The following NELL1 variants were observed in gnomAD, a reference collection of about 807,000 sequenced individuals.
NELL1 encodes the protein protein kinase C-binding protein NELL1.
Under a neutral mutation model 107.4 loss-of-function variants are expected in NELL1, and 76 were observed. The observed-to-expected ratio is 0.71, with a 90% CI of 0.59 to 0.86. The LOEUF is 0.86. Among genes scored for constraint, NELL1 ranks in the 40% least tolerant of loss-of-function variants. NELL1 has a pLI of 0.00. For missense variants in NELL1, 1,024 were observed against 1,005.5 expected, an observed-to-expected ratio of 1.02 and a Z score of -0.25; for synonymous variants, 353 against 341.2, an observed-to-expected ratio of 1.03 and a Z score of -0.38.
intron 18 of NELL1, 59 bp from the exon 19 acceptor site, chr11:21,573,124 CTT>C: frequency 7.7e-7 from 1 of 1,290,590 alleles, no homozygotes; most frequent in Non-Finnish European, 1.1e-6. Flanking sequence ...CCTTCTATGA[CTT>C]TGGGAATAAA....
At chr11:21,165,096 G>T (rs1282394904) in intron 13 of NELL1, among the ~76,000 whole-genome samples, 1 of 152,158 alleles carries the variant, frequency 6.6e-6, no homozygotes, top group Non-Finnish European at 1.5e-5. Context: ...TTGAAAGGTT[G>T]AATCCAGAAA....
intron 14 of NELL1, among the ~76,000 whole-genome samples, chr11:21,282,940 T>G (rs1413157512): frequency 6.6e-6 from 1 of 152,086 alleles, no homozygotes; most frequent in African/African-American, 2.4e-5. Context: ...ACAAATTGTG[T>G]ATGTTCTTAC....
intron 14 of NELL1, among the ~76,000 whole-genome samples, chr11:21,287,023 A>G (rs1849137589): frequency 6.6e-6 from 1 of 152,248 alleles, no homozygotes; most frequent in Non-Finnish European, 1.5e-5. Flanking sequence ...ATAAGTGCTT[A>G]GTGTATTTTA....
intron 14 of NELL1, among the ~76,000 whole-genome samples, chr11:21,266,160 C>T (rs1848628920): frequency 1.3e-5 from 2 of 151,584 alleles, no homozygotes; most frequent in African/African-American, 4.8e-5. Flanking sequence ...AACCATTTAG[C>T]ATGAACTGGC....
intron 15 of NELL1, among the ~76,000 whole-genome samples, chr11:21,519,551 T>G (rs113200112): frequency 6.6e-6 from 1 of 151,486 alleles, no homozygotes. Context: ...TTTTGTTTTT[T>G]TTTTTAGATT....
At chr11:21,289,115 G>A (rs1171686812) in intron 14 of NELL1, among the ~76,000 whole-genome samples, 1 of 152,212 alleles carries the variant, frequency 6.6e-6, no homozygotes, top group Non-Finnish European at 1.5e-5. Flanking sequence ...ATGAGAGAAT[G>A]ACAGGGTCAC....
chr11:21,291,429 A>T (rs1293097422), intron 14 of NELL1, among the ~76,000 whole-genome samples: 1 of 151,324 alleles, frequency 6.6e-6, no homozygotes, highest in Non-Finnish European at 1.5e-5. Flanking sequence ...GATGATAATT[A>T]ATAGACTACC....
chr11:21,323,205 G>A (rs748558574), intron 14 of NELL1, among the ~76,000 whole-genome samples: 17 of 152,302 alleles, frequency 1.1e-4, no homozygotes, highest in South Asian at 4.1e-4. Context: ...TTGTGGGAAT[G>A]TAACAAATTT....
At chr11:20,991,092 A>G (rs979452927) in intron 12 of NELL1, among the ~76,000 whole-genome samples, 16 of 152,324 alleles carry the variant, frequency 1.1e-4, no homozygotes, top group Admixed American at 2.6e-4. Context: ...ATCCTAAGGA[A>G]GTATTCAGAC....
At chr11:20,869,302 G>A (rs901787495) in intron 4 of NELL1, among the ~76,000 whole-genome samples, 1 of 152,120 alleles carries the variant, frequency 6.6e-6, no homozygotes, top group Admixed American at 6.5e-5. Context: ...AAGAGACTAG[G>A]GGAATGTGCA....
At chr11:20,755,543 T>TATTTTA in intron 2 of NELL1, among the ~76,000 whole-genome samples, 1 of 39,336 alleles carries the variant, frequency 2.5e-5, no homozygotes, top group East Asian at 1.2e-3. Flanking sequence ...GGTTTTTGTT[T>TATTTTA]TTTTTTGTTT....
chr11:21,062,109 A>G (rs1404596800), intron 12 of NELL1, among the ~76,000 whole-genome samples: 1 of 152,208 alleles, frequency 6.6e-6, no homozygotes, highest in Non-Finnish European at 1.5e-5. Context: ...GTGGTTATTG[A>G]TAGCACTTGA....
At chr11:21,047,641 A>C (rs1853388443) in intron 12 of NELL1, among the ~76,000 whole-genome samples, 1 of 152,074 alleles carries the variant, frequency 6.6e-6, no homozygotes, top group Non-Finnish European at 1.5e-5. Flanking sequence ...TTTATCTTGG[A>C]GCTATCTTTC....
intron 2 of NELL1, among the ~76,000 whole-genome samples, chr11:20,761,774 T>G (rs991993098): frequency 6.6e-6 from 1 of 152,364 alleles, no homozygotes; most frequent in Admixed American, 6.5e-5. Context: ...TAAAACAAGA[T>G]GCTTATAGGT....
intron 13 of NELL1, among the ~76,000 whole-genome samples, chr11:21,142,412 T>G (rs1855889069): frequency 6.6e-6 from 1 of 152,236 alleles, no homozygotes; most frequent in East Asian, 1.9e-4. Flanking sequence ...CCTTGCTATC[T>G]GGGTCCCAAG....
chr11:21,024,259 CA>C (rs1395921333), intron 12 of NELL1, among the ~76,000 whole-genome samples: 1 of 152,094 alleles, frequency 6.6e-6, no homozygotes, highest in South Asian at 2.1e-4. Context: ...ATACCTTCTA[CA>C]TTGATTTACT....
At chr11:21,327,332 A>T (rs553979412) in intron 14 of NELL1, among the ~76,000 whole-genome samples, 1 of 150,298 alleles carries the variant, frequency 6.7e-6, no homozygotes, top group African/African-American at 2.5e-5. Context: ...GTACCCTAAA[A>T]CTTAAAGTAT....
intron 2 of NELL1, among the ~76,000 whole-genome samples, chr11:20,728,200 A>G (rs1057198297): frequency 6.6e-6 from 1 of 151,894 alleles, no homozygotes; most frequent in African/African-American, 2.4e-5. Flanking sequence ...TAGATTCTGG[A>G]TCTTAGACCT....
intron 14 of NELL1, among the ~76,000 whole-genome samples, chr11:21,236,027 A>G (rs185465525): frequency 2.3e-3 from 348 of 152,140 alleles, no homozygotes; most frequent in Admixed American, 3.1e-3. Flanking sequence ...CCTGAGAGTT[A>G]ACTAATCATT....
Sources: gnomAD v4.1 joint callset for allele counts (sites outside exome capture counted in the v4.1 genomes callset) on GRCh38, gnomAD v4.1.1 for gene constraint, MANE v1.5 for transcripts, NCBI Gene and HGNC (gene_info 2026-07-23, HGNC 2026-07-21) for gene names.